Variants in ZDHHC2 observed in about 807,000 individuals in gnomAD.
ZDHHC2 encodes zDHHC palmitoyltransferase 2.
In ZDHHC2, 51 loss-of-function variants were observed where a neutral mutation model predicts 55.6. The observed-to-expected ratio is 0.92, with a 90% CI of 0.73 to 1.16. The LOEUF (loss-of-function observed/expected upper bound fraction) is 1.16. Ranked by LOEUF, ZDHHC2 falls within the 50% of genes most tolerant of loss-of-function variation. The pLI is 0.00. For missense variants in ZDHHC2, 491 were observed against 442.4 expected (o/e 1.11, Z -0.99); for synonymous variants, 199 against 152.9 (o/e 1.30, Z -2.22).
intron 3 of ZDHHC2, among the ~76,000 whole-genome samples, chr8:17,187,146 A>G (rs1805753044): frequency 6.6e-6 from 1 of 152,222 alleles, no homozygotes. Flanking sequence ...GACCATGTTA[A>G]ACATGAGAGA....
intron 3 of ZDHHC2, among the ~76,000 whole-genome samples, chr8:17,192,087 A>G (rs1455746017): frequency 6.6e-6 from 1 of 152,266 alleles, no homozygotes; most frequent in Non-Finnish European, 1.5e-5. Context: ...GGGTTCGAGC[A>G]ATAGTCCCAC....
chr8:17,180,162 AT>A (rs912564520), intron 1 of ZDHHC2, among the ~76,000 whole-genome samples: 22 of 151,542 alleles, frequency 1.5e-4, no homozygotes, highest in African/African-American at 2.4e-4. Context: ...TTAGGTCTTT[AT>A]TTTTTTTTAA....
intron 1 of ZDHHC2, among the ~76,000 whole-genome samples, chr8:17,161,509 A>G (rs1804341451): frequency 6.6e-6 from 1 of 152,250 alleles, no homozygotes; most frequent in South Asian, 2.1e-4. Context: ...AATGTAAGGC[A>G]CATCCATAGA....
chr8:17,159,112 A>G (rs933165421), intron 1 of ZDHHC2, among the ~76,000 whole-genome samples: 3 of 152,158 alleles, frequency 2.0e-5, no homozygotes, highest in African/African-American at 7.2e-5. Flanking sequence ...CCTTATAGGC[A>G]CTGGGAAAGA....
chr8:17,214,006 C>T (rs780579601), intron 10 of ZDHHC2, among the ~76,000 whole-genome samples: 15 of 151,980 alleles, frequency 9.9e-5, no homozygotes, highest in Admixed American at 1.3e-4. Context: ...AAAAAGCATA[C>T]GCATATATCC....
intron 6 of ZDHHC2, among the ~76,000 whole-genome samples, chr8:17,201,722 T>A (rs980427920): frequency 6.6e-5 from 10 of 150,878 alleles, no homozygotes; most frequent in Admixed American, 5.3e-4. Context: ...GGTCTCGATC[T>A]CCTGACCTTG....
chr8:17,180,060 G>T (rs1190050454), intron 1 of ZDHHC2, among the ~76,000 whole-genome samples: 3 of 152,218 alleles, frequency 2.0e-5, no homozygotes, highest in African/African-American at 7.2e-5. Flanking sequence ...TCCACCAGAT[G>T]TAGGATTGGT....
intron 1 of ZDHHC2, among the ~76,000 whole-genome samples, chr8:17,161,752 G>A (rs554353326): frequency 1.3e-4 from 20 of 152,102 alleles, no homozygotes; most frequent in African/African-American, 4.3e-4. Flanking sequence ...ACAGCTGCTC[G>A]GGAGGCTAAG....
At chr8:17,217,323 C>T in intron 12 of ZDHHC2, 77 bp downstream of exon 12, 2 of 1,065,240 alleles carry the variant, frequency 1.9e-6, no homozygotes, top group Admixed American at 2.7e-5. Context: ...TTTCCATAAA[C>T]ATTTTTAATA....
chr8:17,166,386 G>A (rs1294856911), intron 1 of ZDHHC2, among the ~76,000 whole-genome samples: 1 of 152,144 alleles, frequency 6.6e-6, no homozygotes, highest in African/African-American at 2.4e-5. Context: ...ATGATCAGTT[G>A]AGATGCAGAA....
intron 1 of ZDHHC2, among the ~76,000 whole-genome samples, chr8:17,161,117 A>G (rs754351695): frequency 3.9e-5 from 6 of 152,194 alleles, no homozygotes; most frequent in Non-Finnish European, 8.8e-5. Flanking sequence ...CCTAAGAACA[A>G]AATACACAAA....
At chr8:17,199,401 C>T (rs944216068) in intron 6 of ZDHHC2, among the ~76,000 whole-genome samples, 3 of 151,584 alleles carry the variant, frequency 2.0e-5, no homozygotes, top group Non-Finnish European at 2.9e-5. Flanking sequence ...CCCCCCTGCC[C>T]CCAGTTTTCT....
intron 1 of ZDHHC2, among the ~76,000 whole-genome samples, chr8:17,178,387 G>A (rs753425983): frequency 6.6e-6 from 1 of 151,980 alleles, no homozygotes; most frequent in African/African-American, 2.4e-5. Flanking sequence ...TTAATATATA[G>A]TATCTATATA....
chr8:17,192,983 C>G (rs545851999), intron 3 of ZDHHC2, among the ~76,000 whole-genome samples: 1 of 152,216 alleles, frequency 6.6e-6, no homozygotes, highest in Non-Finnish European at 1.5e-5. Context: ...TCTATGTATG[C>G]CAGTACCATG....
In ZDHHC2 at chr8:17,202,516, T is replaced by A. The variant is rs764791327; in HGVS notation, c.477-3139T>A. On this transcript the variant is annotated intron_variant, in intron 6 of 12. Coordinates refer to ENST00000262096, the MANE Select transcript of ZDHHC2 (RefSeq NM_016353.5). ...TGTTTTACACTGAACTTAAACAACATAAGAAGAATATTTTCCTAGAACGTG... is the reference window on the plus strand; with the variant it reads ...TGTTTTACACTGAACTTAAACAACAAAAGAAGAATATTTTCCTAGAACGTG... Among the ~76,000 whole-genome samples the A allele has an allele frequency of 4.6e-5, 7 of 152,152 alleles. 1 individual carries two copies. Among genetic ancestry groups the A allele is most frequent in the Non-Finnish European group, 1.0e-4 (7 of 68,008 alleles).
In ZDHHC2 at chr8:17,221,839, T is replaced by C. The variant is rs1807930177; in HGVS notation, c.*1618T>C. The C allele has an allele frequency of 6.6e-6, 1 of 152,430 alleles. No homozygotes were observed. Among genetic ancestry groups the C allele is most frequent in the Admixed American group, 6.6e-5 (1 of 15,246 alleles). 9.4% of individuals were successfully genotyped at this position (152,430 alleles called of 1,614,324 possible). Reference sequence around the variant, plus strand: ...GAAATCTCAGAAAATATGATAACATTTTAACTTTCATTTTAGAGCACGTTT... The same window carrying C: ...GAAATCTCAGAAAATATGATAACATCTTAACTTTCATTTTAGAGCACGTTT... On this transcript the variant is annotated 3_prime_UTR_variant, in exon 13 of 13. Transcript: ENST00000262096.
intron 6 of ZDHHC2, among the ~76,000 whole-genome samples, chr8:17,204,406 C>T (rs1048709525): frequency 4.6e-5 from 7 of 152,188 alleles, no homozygotes; most frequent in African/African-American, 1.7e-4. Context: ...AAAAGGAAAC[C>T]TGTATGTTCT....
intron 4 of ZDHHC2, among the ~76,000 whole-genome samples, chr8:17,196,977 A>C (rs1398833680): frequency 6.6e-6 from 1 of 152,146 alleles, no homozygotes; most frequent in Non-Finnish European, 1.5e-5. Context: ...ATCATAATTG[A>C]ATCTTAACTA....
At chr8:17,194,217 G>T (rs975600439) in intron 3 of ZDHHC2, among the ~76,000 whole-genome samples, 12 of 151,824 alleles carry the variant, frequency 7.9e-5, no homozygotes, top group Non-Finnish European at 1.8e-4. Context: ...GAACAGTGCC[G>T]CAATAAACAT....
Sources: allele counts gnomAD v4.1 joint callset (sites outside exome capture counted in the v4.1 genomes callset), GRCh38; gene constraint gnomAD v4.1.1; transcripts MANE v1.5; gene names NCBI Gene and HGNC (gene_info 2026-07-23, HGNC 2026-07-21).